BCAS3: variants seen among roughly 807,000 people sequenced by gnomAD.
BCAS3 encodes the protein BCAS4/BCAS3 fusion.
Under a neutral mutation model 116.1 loss-of-function variants are expected in BCAS3, and 53 were observed. The observed-to-expected ratio is 0.46, with a 90% confidence interval of 0.37 to 0.57. The LOEUF (loss-of-function observed/expected upper bound fraction) is 0.57, where lower values mean the gene tolerates loss of function less well. BCAS3 is among the 20% of genes least tolerant of loss of function. The pLI is 0.00. For missense variants in BCAS3, 917 were observed against 1,165.4 expected (o/e 0.79, Z 3.10); for synonymous variants, 391 against 408.2 (o/e 0.96, Z 0.51).
intron 22 of BCAS3, among the ~76,000 whole-genome samples, chr17:61,187,322 C>T (rs1017671563): frequency 1.3e-5 from 2 of 152,186 alleles, no homozygotes; most frequent in Non-Finnish European, 2.9e-5. Context: ...AGCTAGATTT[C>T]TGGTATGTCT....
chr17:60,813,729 G>A (rs1447530143), intron 7 of BCAS3, among the ~76,000 whole-genome samples: 1 of 152,158 alleles, frequency 6.6e-6, no homozygotes, highest in African/African-American at 2.4e-5. Context: ...GCCAAGGCCA[G>A]TGTCCAGAAT....
rs369158441 is a variant in BCAS3, at chr17:60,898,727, T to G, written c.739-3893T>G. ...CTGGTAGTGGCAATGGTGAACAGTATGGGTGGGCTGGTTCCTGAGCCCCTG... is the reference window on the plus strand; with the variant it reads ...CTGGTAGTGGCAATGGTGAACAGTAGGGGTGGGCTGGTTCCTGAGCCCCTG... On this transcript the variant is annotated intron_variant, in intron 10 of 23. Coordinates refer to ENST00000407086, the MANE Select transcript of BCAS3 (RefSeq NM_017679.5). Among the ~76,000 whole-genome samples, 9 of 152,170 alleles carry G rather than the reference T, an allele frequency of 5.9e-5. No homozygotes were observed. In the East Asian group the frequency reaches 9.6e-4, roughly 16 times the overall value.
At chr17:60,902,836 T>G in intron 11 of BCAS3, 133 bp downstream of exon 11, 2 of 698,100 alleles carry the variant, frequency 2.9e-6, no homozygotes, top group South Asian at 3.8e-5. Flanking sequence ...TTAAGTCTGT[T>G]AACTAGCTTC....
chr17:60,947,953 C>G (rs1159567582), intron 14 of BCAS3, among the ~76,000 whole-genome samples: 1 of 152,052 alleles, frequency 6.6e-6, no homozygotes, highest in African/African-American at 2.4e-5. Flanking sequence ...CCTCAGAGAG[C>G]TAGATTTTAA....
Position 60,994,224 on chromosome 17 carries a change from G to A in BCAS3, c.1486+3989G>A, listed in dbSNP as rs570092269. On this transcript the variant is annotated intron_variant, in intron 15 of 23. Coordinates refer to ENST00000407086, the MANE Select transcript of BCAS3 (RefSeq NM_017679.5). This position sits in a 1 kb window ranked among gnomAD's most constrained non-coding sequence, Gnocchi z 4.4. ...ATTATTGAATATATTTTAAAATATT[G>A]TTTTTACTCATCACTACTTTGAAAT... 6.6e-5 allele frequency among the ~76,000 whole-genome samples: 10 copies of A among 151,668 alleles called. No homozygotes were observed. In the South Asian group the frequency reaches 2.1e-3, roughly 32 times the overall value.
At chr17:60,965,902 T>C (rs2061636914) in intron 14 of BCAS3, among the ~76,000 whole-genome samples, 1 of 152,208 alleles carries the variant, frequency 6.6e-6, no homozygotes, top group African/African-American at 2.4e-5. Flanking sequence ...TTGTTGATTT[T>C]ATGTCTGAAT....
chr17:61,117,686 G>A (rs1306117741), intron 22 of BCAS3, among the ~76,000 whole-genome samples: 1 of 152,036 alleles, frequency 6.6e-6, no homozygotes, highest in East Asian at 1.9e-4. Context: ...TTTCTTTGAT[G>A]AGGCTTTGGG....
rs2081847769 is a variant in BCAS3 at position 61,217,154 on chromosome 17, A to G, written c.2425+132590A>G. ...AAAAATTAGCTGGGTGTGGTGGCAC[A>G]CTCCTGCAGTCCCAGCTACTCAGGA... On this transcript the variant is annotated intron_variant, in intron 22 of 23. Transcript: ENST00000407086. The surrounding 1 kb of genome is among the most constrained non-coding windows in gnomAD (Gnocchi z 5.2). Among the ~76,000 whole-genome samples, 1 of 151,602 alleles carries G rather than the reference A, an allele frequency of 6.6e-6. No homozygotes were observed. The highest frequency in any genetic ancestry group is 1.5e-5 in the Non-Finnish European group (1 of 67,924).
At position 61,302,454 on chromosome 17, in the gene BCAS3, A is replaced by T. The variant is rs1330463436; in HGVS notation, c.2426-65873A>T. 6.6e-6 allele frequency among the ~76,000 whole-genome samples: 1 copy of T among 152,220 alleles called. No individual in the cohort carries two copies. Among genetic ancestry groups the T allele is most frequent in the Non-Finnish European group, 1.5e-5 (1 of 68,042 alleles). On this transcript the variant is annotated intron_variant, in intron 22 of 23. Transcript: ENST00000407086. This position sits in a 1 kb window ranked among gnomAD's most constrained non-coding sequence, Gnocchi z 4.4. Reference sequence around the variant, plus strand: ...CTGCCTTTTTACTATGGTCATTTTTAGATTCTTGAGGAATGAAATATCCTC... The same window carrying T: ...CTGCCTTTTTACTATGGTCATTTTTTGATTCTTGAGGAATGAAATATCCTC...
intron 22 of BCAS3, among the ~76,000 whole-genome samples, chr17:61,273,461 CAT>C (rs2050487187): frequency 6.6e-6 from 1 of 152,122 alleles, no homozygotes; most frequent in Non-Finnish European, 1.5e-5. Context: ...TTCTGTATGT[CAT>C]ATGTCTTTTA....
At chr17:61,359,268 G>A (rs1480426792) in intron 22 of BCAS3, among the ~76,000 whole-genome samples, 3 of 152,066 alleles carry the variant, frequency 2.0e-5, no homozygotes, top group Non-Finnish European at 4.4e-5. Context: ...TTTTGAATGG[G>A]CCTGTGTAGC....
chr17:61,264,067 C>T (rs968868152), intron 22 of BCAS3, among the ~76,000 whole-genome samples: 1 of 152,044 alleles, frequency 6.6e-6, no homozygotes, highest in African/African-American at 2.4e-5. Context: ...AGACTATTCC[C>T]TGTCTGTAAA....
intron 14 of BCAS3, among the ~76,000 whole-genome samples, chr17:60,953,193 A>G (rs569148556): frequency 1.3e-5 from 2 of 152,268 alleles, no homozygotes; most frequent in South Asian, 2.1e-4. Context: ...GAATTGCCAC[A>G]CGGCTTTCCC....
intron 21 of BCAS3, among the ~76,000 whole-genome samples, chr17:61,081,907 T>G (rs2143518268): frequency 6.6e-6 from 1 of 152,322 alleles, no homozygotes; most frequent in South Asian, 2.1e-4. Context: ...GTTTAGATTT[T>G]TTGGGGCTCA....
chr17:60,863,101 C>T (rs2054292439), intron 7 of BCAS3, among the ~76,000 whole-genome samples: 1 of 151,994 alleles, frequency 6.6e-6, no homozygotes, highest in African/African-American at 2.4e-5. Flanking sequence ...GTTTTTGGAG[C>T]AATTTAATTT....
At position 61,151,013 on chromosome 17, in the gene BCAS3, T is replaced by C. The variant is rs1403737059; in HGVS notation, c.2425+66449T>C. The stretch of plus-strand genomic sequence containing the variant: ...ATAAGGCCCTGGAGCCACAGACTTC[T>C]GTGTAGCCACATCTAGACAACTGAA... On this transcript the variant is annotated intron_variant, in intron 22 of 23. Transcript: ENST00000407086. The surrounding 1 kb of genome is among the most constrained non-coding windows in gnomAD (Gnocchi z 4.8). Among the ~76,000 whole-genome samples the C allele has an allele frequency of 6.6e-6, 1 of 152,246 alleles. No individual in the cohort carries two copies. The highest frequency in any genetic ancestry group is 1.9e-4 in the East Asian group (1 of 5,198).
intron 23 of BCAS3, among the ~76,000 whole-genome samples, chr17:61,375,246 G>GTGTGCGCGCGCGCGCACACA (rs1555861733): frequency 6.6e-5 from 10 of 150,666 alleles, no homozygotes; most frequent in African/African-American, 2.5e-4. Flanking sequence ...GTGTGTGTGT[G>GTGTGCGCGCGCGCGCACACA]TGTGTGTGTA....
chr17:60,730,197 AG>A (rs1376974789), intron 5 of BCAS3, among the ~76,000 whole-genome samples: 1 of 152,226 alleles, frequency 6.6e-6, no homozygotes, highest in Non-Finnish European at 1.5e-5. Flanking sequence ...ATCAGGCTGA[AG>A]GGGAAAGGTT....
At chr17:60,747,615 T>TG (rs1222012465) in intron 6 of BCAS3, among the ~76,000 whole-genome samples, 1 of 152,216 alleles carries the variant, frequency 6.6e-6, no homozygotes, top group African/African-American at 2.4e-5. Flanking sequence ...CCTTCCTGGC[T>TG]GACTGTGCCG....
Sources: gnomAD v4.1 joint callset for allele counts (sites outside exome capture counted in the v4.1 genomes callset) on GRCh38, gnomAD v4.1.1 for gene constraint, Gnocchi (gnomAD v3.1) non-coding constraint, MANE v1.5 for transcripts, NCBI Gene and HGNC (gene_info 2026-07-23, HGNC 2026-07-21) for gene names.